Variants in KCNAB1 observed in about 807,000 individuals in gnomAD.
The protein encoded by KCNAB1 is voltage-gated potassium channel subunit beta-1.
KCNAB1 carries 35 observed loss-of-function variants against 64.6 expected under a neutral mutation model. The ratio of observed to expected loss-of-function variants is 0.54; its 90% CI spans 0.41 to 0.72. The LOEUF is 0.72. Ranked by LOEUF, KCNAB1 falls within the 30% of genes least tolerant of loss-of-function variation. The pLI is 0.00. For synonymous variants in KCNAB1, 177 were observed against 183.8 expected (o/e 0.96, Z 0.30); for missense variants, 401 against 512.9 (o/e 0.78, Z 2.11).
chr3:156,526,299 G>A (rs745892573), intron 12 of KCNAB1, among the ~76,000 whole-genome samples: 10 of 152,120 alleles, frequency 6.6e-5, no homozygotes, highest in East Asian at 1.9e-4. Flanking sequence ...TTCTCAGAAC[G>A]TGTCCCTGTC....
chr3:156,221,971 C>T (rs1182198821), intron 1 of KCNAB1, among the ~76,000 whole-genome samples: 3 of 152,060 alleles, frequency 2.0e-5, no homozygotes, highest in African/African-American at 7.2e-5. Flanking sequence ...CTCCTTAAAG[C>T]ATAAATCTCA....
At chr3:156,519,894 G>C (rs893392567) in intron 11 of KCNAB1, among the ~76,000 whole-genome samples, 7 of 152,166 alleles carry the variant, frequency 4.6e-5, no homozygotes, top group African/African-American at 1.7e-4. Context: ...CACCCTGTGA[G>C]ACCAATGACA....
intron 1 of KCNAB1, among the ~76,000 whole-genome samples, chr3:156,246,870 A>C (rs1298836630): frequency 1.3e-5 from 2 of 152,102 alleles, no homozygotes; most frequent in African/African-American, 4.8e-5. Context: ...GATAACAGGA[A>C]CTTTTTTTGT....
chr3:156,298,966 A>G (rs1720975242), intron 1 of KCNAB1, among the ~76,000 whole-genome samples: 1 of 152,236 alleles, frequency 6.6e-6, no homozygotes, highest in East Asian at 1.9e-4. Context: ...TATTAATACT[A>G]TGTGATCACC....
intron 1 of KCNAB1, among the ~76,000 whole-genome samples, chr3:156,271,924 C>T (rs1237328536): frequency 6.6e-6 from 1 of 152,248 alleles, no homozygotes; most frequent in Non-Finnish European, 1.5e-5. Context: ...AGGGACCTCT[C>T]AGGCCAAGTA....
chr3:156,169,015 A>G (rs1236099471), intron 1 of KCNAB1, among the ~76,000 whole-genome samples: 1 of 87,128 alleles, frequency 1.1e-5, no homozygotes, highest in African/African-American at 3.8e-5. Context: ...TTCTATGAAC[A>G]CTGATGCTAT....
At chr3:156,122,898 C>G (rs192697965) in intron 1 of KCNAB1, among the ~76,000 whole-genome samples, 4 of 152,194 alleles carry the variant, frequency 2.6e-5, no homozygotes, top group African/African-American at 7.2e-5. Flanking sequence ...AACTTTTTTA[C>G]CTCTCAAATG....
At chr3:156,183,525 C>G (rs2108350162) in intron 1 of KCNAB1, among the ~76,000 whole-genome samples, 1 of 152,218 alleles carries the variant, frequency 6.6e-6, no homozygotes, top group Non-Finnish European at 1.5e-5. Flanking sequence ...TCAGAGAACC[C>G]CTGAACATTG....
At chr3:156,395,372 C>T (rs1330543097) in intron 1 of KCNAB1, among the ~76,000 whole-genome samples, 1 of 148,890 alleles carries the variant, frequency 6.7e-6, no homozygotes, top group Non-Finnish European at 1.5e-5. Context: ...GGTGAAACCC[C>T]GTCTCTACTA....
intron 8 of KCNAB1, among the ~76,000 whole-genome samples, chr3:156,497,156 A>C (rs1283719684): frequency 6.6e-6 from 1 of 152,226 alleles, no homozygotes; most frequent in Non-Finnish European, 1.5e-5. Flanking sequence ...GTTAACAGAT[A>C]TCTGACAATA....
At chr3:156,385,442 GAA>G (rs58847115) in intron 1 of KCNAB1, among the ~76,000 whole-genome samples, 22 of 134,844 alleles carry the variant, frequency 1.6e-4, no homozygotes, top group East Asian at 6.9e-4. Flanking sequence ...TTGGATGGAA[GAA>G]AAAAAAAAAA....
At chr3:156,449,770 A>G (rs577756446) in intron 2 of KCNAB1, among the ~76,000 whole-genome samples, 1 of 152,324 alleles carries the variant, frequency 6.6e-6, no homozygotes, top group African/African-American at 2.4e-5. Context: ...TCCTTTACAA[A>G]TGAATTTCCC....
Position 156,464,251 on chromosome 3 carries a change from G to A in KCNAB1, c.527+505G>A, listed in dbSNP as rs3796168. Among the ~76,000 whole-genome samples the A allele has an allele frequency of 0.012, 1,825 of 152,264 alleles. 62 individuals are homozygous for A. The East Asian group carries it at 0.12, about 10-fold the overall frequency. On this transcript the variant is annotated intron_variant, in intron 6 of 13. Coordinates refer to ENST00000490337, the MANE Select transcript of KCNAB1 (RefSeq NM_172160.3). ...TAACATGGAGCTACCTGTATCACTC[G>A]CTGTCAGGCCAAATGAAAGAGAAAT...
At chr3:156,425,290 AGAGAAGGGGCAGCC>A (rs902339264) in intron 2 of KCNAB1, among the ~76,000 whole-genome samples, 2 of 152,238 alleles carry the variant, frequency 1.3e-5, no homozygotes, top group Non-Finnish European at 2.9e-5. Flanking sequence ...CTTCTCTACC[AGAGAAGGGGCAGCC>A]GGAAATTCCT....
chr3:156,381,151 GC>G (rs1336215448), intron 1 of KCNAB1, among the ~76,000 whole-genome samples: 3 of 151,954 alleles, frequency 2.0e-5, no homozygotes, highest in Non-Finnish European at 4.4e-5. Flanking sequence ...CCAAAAAAGC[GC>G]CCAAAGAGCC....
intron 1 of KCNAB1, among the ~76,000 whole-genome samples, chr3:156,284,075 T>C (rs1719920269): frequency 2.6e-5 from 4 of 152,160 alleles, no homozygotes; most frequent in African/African-American, 9.7e-5. Flanking sequence ...TTCTGTTCTG[T>C]TTTTTCCCCA....
chr3:156,230,979 T>G (rs551700252), intron 1 of KCNAB1, among the ~76,000 whole-genome samples: 1 of 152,304 alleles, frequency 6.6e-6, no homozygotes, highest in South Asian at 2.1e-4. Context: ...GAAAACTGCC[T>G]TTTACTCTTA....
intron 1 of KCNAB1, among the ~76,000 whole-genome samples, chr3:156,406,489 C>G (rs1038665089): frequency 6.6e-6 from 1 of 152,078 alleles, no homozygotes; most frequent in African/African-American, 2.4e-5. Context: ...CCTGGGGAAG[C>G]CCCCTTGGAA....
intron 6 of KCNAB1, among the ~76,000 whole-genome samples, chr3:156,464,154 A>G (rs148889266): frequency 6.6e-6 from 1 of 152,194 alleles, no homozygotes; most frequent in African/African-American, 2.4e-5. Context: ...GTCTGGCTCC[A>G]TGTCTAAGTC....
Sources: gnomAD v4.1 joint callset for allele counts (sites outside exome capture counted in the v4.1 genomes callset) on GRCh38, gnomAD v4.1.1 for gene constraint, MANE v1.5 for transcripts, NCBI Gene and HGNC (gene_info 2026-07-23, HGNC 2026-07-21) for gene names.